The following MECOM variants were observed in gnomAD, a reference collection of about 807,000 sequenced individuals.
MECOM encodes the protein MDS1 and EVI1 complex locus.
MECOM carries 13 observed loss-of-function variants against 116.3 expected under a neutral mutation model. The observed-to-expected ratio is 0.11, with a 90% CI of 0.07 to 0.18. MECOM has a LOEUF of 0.18. Ranked by LOEUF, MECOM falls within the 10% of genes least tolerant of loss-of-function variation. The probability of loss-of-function intolerance (pLI) is 1.00; values close to 1 mark genes in which losing one functional copy is unlikely to be tolerated. For missense variants in MECOM, 1,299 were observed against 1,509.0 expected (o/e 0.86, Z 2.31); for synonymous variants, 528 against 535.2 (o/e 0.99, Z 0.19).
chr3:169,132,029 G>C, intron 3 of MECOM: 1 of 935,612 alleles, frequency 1.1e-6, no homozygotes, highest in Non-Finnish European at 1.3e-6. Flanking sequence ...TGACATAAAG[G>C]ATCATGACAA....
intron 2 of MECOM, among the ~76,000 whole-genome samples, chr3:169,302,639 T>A (rs1033042842): frequency 6.6e-6 from 1 of 151,990 alleles, no homozygotes; most frequent in African/African-American, 2.4e-5. Flanking sequence ...CCGAGGCCGG[T>A]GGATCACTGA....
intron 3 of MECOM, among the ~76,000 whole-genome samples, chr3:169,143,051 T>C (rs1164976579): frequency 6.6e-6 from 1 of 152,048 alleles, no homozygotes; most frequent in African/African-American, 2.4e-5. Context: ...GTAAAATATG[T>C]TTCACGATAT....
intron 3 of MECOM, among the ~76,000 whole-genome samples, chr3:169,141,572 T>G (rs1738122945): frequency 1.3e-5 from 2 of 152,010 alleles, no homozygotes; most frequent in South Asian, 4.1e-4. Context: ...AGTCCAACAT[T>G]CACATTTCAA....
intron 7 of MECOM, among the ~76,000 whole-genome samples, chr3:169,119,467 A>C (rs1031510978): frequency 6.6e-6 from 1 of 152,212 alleles, no homozygotes; most frequent in South Asian, 2.1e-4. Flanking sequence ...ACCCTATGGC[A>C]CTTTAAAGTG....
Position 169,208,200 on chromosome 3 carries a change from T to C in MECOM, c.376-64368A>G, listed in dbSNP as rs552753444. Among the ~76,000 whole-genome samples, 185 of 142,078 alleles carry C rather than the reference T, an allele frequency of 1.3e-3. 1 individual carries two copies. The highest frequency in any genetic ancestry group is 4.5e-3 in the African/African-American group (178 of 39,166). 93.2% of individuals were successfully genotyped at this position (142,078 alleles called of 152,430 possible). A position where few individuals can be genotyped will look rare whatever the true frequency, so the allele number is the denominator to read the frequency against. On this transcript the variant is annotated intron_variant, in intron 2 of 16. Transcript: ENST00000651503. ...AGTCTTAGTCTTCTAGTCAGCAATA[T>C]ATATATATGTGTGTGTGTGTGTGTG...
At chr3:169,160,279 G>A (rs569972177) in intron 2 of MECOM, among the ~76,000 whole-genome samples, 1 of 151,608 alleles carries the variant, frequency 6.6e-6, no homozygotes, top group African/African-American at 2.4e-5. Context: ...AACATTTTCT[G>A]AGAAAGGATT....
At position 169,085,006 on chromosome 3, in the gene MECOM, G is replaced by T. The variant is rs771547877; in HGVS notation, c.3623C>A (p.Ser1208Tyr). ...AMMLSLSDKESLHSTSHSSSN... is the reference protein window; with the variant it reads ...AMMLSLSDKEYLHSTSHSSSN... ...AGAACTGTGGGATGTAGAATGGAGGGACTCCTTGTCAGACAGTGACAGCAT... is the reference window on the plus strand; with the variant it reads ...AGAACTGTGGGATGTAGAATGGAGGTACTCCTTGTCAGACAGTGACAGCAT... Residue 1208 changes from serine to tyrosine, a missense_variant, in exon 17 of 17, where the codon TCC becomes TAC. This residue lies in a region of MECOM where 273 missense variants were observed against 289.3 expected (regional missense o/e 0.94). Coordinates refer to ENST00000651503, the MANE Select transcript of MECOM (RefSeq NM_004991.4). 6.2e-7 allele frequency: 1 copy of T among 1,613,988 alleles called. No homozygotes were observed. Among genetic ancestry groups the T allele is most frequent in the East Asian group, 2.2e-5 (1 of 44,892 alleles).
chr3:169,144,995 A>G, intron 2 of MECOM: 1 of 1,562,418 alleles, frequency 6.4e-7, no homozygotes, highest in Non-Finnish European at 8.7e-7. Context: ...TCATTAACTC[A>G]CCATATACTT....
chr3:169,291,559 G>A (rs1714553464), intron 2 of MECOM, among the ~76,000 whole-genome samples: 1 of 152,022 alleles, frequency 6.6e-6, no homozygotes, highest in Admixed American at 6.6e-5. Context: ...TGTCTGGTAT[G>A]GAACACATCA....
intron 1 of MECOM, among the ~76,000 whole-genome samples, chr3:169,631,072 G>C (rs1035544217): frequency 1.3e-5 from 2 of 152,226 alleles, no homozygotes; most frequent in Non-Finnish European, 2.9e-5. Flanking sequence ...GCTCTGCAGT[G>C]GTGGAGCACA....
chr3:169,316,589 C>T (rs1719783355), intron 2 of MECOM, among the ~76,000 whole-genome samples: 1 of 152,124 alleles, frequency 6.6e-6, no homozygotes, highest in Non-Finnish European at 1.5e-5. Flanking sequence ...CTCATTCTGT[C>T]ACCCAGACTG....
chr3:169,387,927 T>C (rs1231938263), intron 1 of MECOM, among the ~76,000 whole-genome samples: 1 of 152,134 alleles, frequency 6.6e-6, no homozygotes, highest in South Asian at 2.1e-4. Flanking sequence ...ATGTTCCTCA[T>C]TGCAGTTTTG....
At chr3:169,133,255 G>C (rs1488661220) in intron 3 of MECOM, 1 of 152,034 alleles carries the variant, frequency 6.6e-6, no homozygotes, top group African/African-American at 2.4e-5. Context: ...AAGAAAAGCT[G>C]CATAAGTTGA....
intron 5 of MECOM, among the ~76,000 whole-genome samples, chr3:169,126,333 G>A (rs984353594): frequency 1.3e-5 from 2 of 151,946 alleles, no homozygotes; most frequent in African/African-American, 2.4e-5. Context: ...TTATAATGCC[G>A]TTCATTATTT....
chr3:169,367,166 T>A (rs944576343), intron 2 of MECOM, among the ~76,000 whole-genome samples: 1 of 152,058 alleles, frequency 6.6e-6, no homozygotes, highest in Non-Finnish European at 1.5e-5. Context: ...TGCTGGATTA[T>A]GAGGAGAGTG....
chr3:169,167,994 G>A (rs1434398288), intron 2 of MECOM, among the ~76,000 whole-genome samples: 1 of 139,434 alleles, frequency 7.2e-6, no homozygotes, highest in Non-Finnish European at 1.6e-5. Flanking sequence ...AGCAATGAGA[G>A]GGAATAGCAG....
At chr3:169,166,229 T>G (rs543665654) in intron 2 of MECOM, among the ~76,000 whole-genome samples, 2 of 152,280 alleles carry the variant, frequency 1.3e-5, no homozygotes, top group African/African-American at 4.8e-5. Flanking sequence ...TATTGTGTGG[T>G]GGCTGTAGAA....
At chr3:169,621,267 A>T (rs1024564549) in intron 1 of MECOM, among the ~76,000 whole-genome samples, 2 of 152,134 alleles carry the variant, frequency 1.3e-5, no homozygotes, top group African/African-American at 4.8e-5. Context: ...CACTATCCTA[A>T]TCTATAGAAT....
At chr3:169,295,090 T>C (rs1715348212) in intron 2 of MECOM, among the ~76,000 whole-genome samples, 1 of 152,208 alleles carries the variant, frequency 6.6e-6, no homozygotes, top group African/African-American at 2.4e-5. Flanking sequence ...ATGGGGATTT[T>C]CAAACTGTCT....
Sources: gnomAD v4.1 joint callset for allele counts (sites outside exome capture counted in the v4.1 genomes callset) on GRCh38, gnomAD v4.1.1 for gene constraint, gnomAD v4.1.1 regional missense constraint, MANE v1.5 for transcripts, NCBI Gene and HGNC (gene_info 2026-07-23, HGNC 2026-07-21) for gene names.